KIF26A: variants seen among roughly 807,000 people sequenced by gnomAD.
KIF26A encodes the protein kinesin-like protein KIF26A.
A neutral mutation model predicts 126.0 loss-of-function variants in KIF26A; 74 were observed. That is an observed-to-expected ratio of 0.59 (90% CI 0.49 to 0.71). The LOEUF is 0.71. KIF26A is among the 30% of genes least tolerant of loss of function. The pLI is 0.00. For missense variants in KIF26A, 2,984 were observed against 2,763.3 expected, an observed-to-expected ratio of 1.08 and a Z score of -1.79; for synonymous variants, 1,445 against 1,232.7, an observed-to-expected ratio of 1.17 and a Z score of -3.61.
At chr14:104,165,924 G>A (rs751093860) in intron 4 of KIF26A, among the ~76,000 whole-genome samples, 2 of 151,222 alleles carry the variant, frequency 1.3e-5, no homozygotes, top group Admixed American at 6.6e-5. Flanking sequence ...GCATGCACTG[G>A]CCTCCCCTGG....
chr14:104,165,615 CTCTGTATGCATGTGTGTGTCTGTGTT>C (rs1474951931), intron 4 of KIF26A, among the ~76,000 whole-genome samples: 10 of 135,170 alleles, frequency 7.4e-5, no homozygotes, highest in East Asian at 4.0e-4. Flanking sequence ...GTGTCTCTGT[CTCTGTATGCATGTGTGTGTCTGTGTT>C]TCTGTATGCA....
chr14:104,160,767 C>T (rs942285931), intron 4 of KIF26A, among the ~76,000 whole-genome samples: 3 of 152,330 alleles, frequency 2.0e-5, no homozygotes, highest in East Asian at 1.9e-4. Context: ...GAGGTACTTC[C>T]GTCATCATAC....
At chr14:104,143,403 G>T (rs564376115) in intron 2 of KIF26A, among the ~76,000 whole-genome samples, 1 of 152,234 alleles carries the variant, frequency 6.6e-6, no homozygotes, top group East Asian at 1.9e-4. Flanking sequence ...CTCCTTGGAC[G>T]CTGCTCATGG....
At chr14:104,142,452 C>A (rs932371000) in intron 2 of KIF26A, among the ~76,000 whole-genome samples, 1 of 152,040 alleles carries the variant, frequency 6.6e-6, no homozygotes, top group South Asian at 2.1e-4. Flanking sequence ...CTCCTGTGGC[C>A]TCCAGGGACC....
At chr14:104,178,801 C>T (rs1566867632) in intron 13 of KIF26A, 46 bp downstream of exon 13, 1 of 1,154,446 alleles carries the variant, frequency 8.7e-7, no homozygotes, top group Non-Finnish European at 1.2e-6. Flanking sequence ...GGTGGGGAGC[C>T]TGCCGCGGAT....
At chr14:104,166,009 C>T (rs534163114) in intron 4 of KIF26A, among the ~76,000 whole-genome samples, 3 of 152,270 alleles carry the variant, frequency 2.0e-5, no homozygotes, top group South Asian at 2.1e-4. Flanking sequence ...GACTCTGCAC[C>T]TTCTGGGAGT....
At position 104,175,887 on chromosome 14, in the gene KIF26A, G is replaced by A. The variant is rs1273250892; in HGVS notation, c.3099G>A (p.Val1033=). The change falls in exon 12 of 15, where the codon GTG becomes GTA. Residue 1033 remains valine, a synonymous_variant. Transcript: ENST00000423312. ...AGCTCAACGGCGAGGACGAGCTGGTGTTCACGGTGGTGGAGGAGCTGTCCC... is the reference window on the plus strand; with the variant it reads ...AGCTCAACGGCGAGGACGAGCTGGTATTCACGGTGGTGGAGGAGCTGTCCC... ...PVELNGEDEL[V]FTVVEELSLG... is the part of the protein sequence containing the mutation. 1.3e-6 allele frequency: 2 copies of A among 1,541,860 alleles called. No homozygotes were observed. The highest frequency in any genetic ancestry group is 1.9e-5 in the Admixed American group (1 of 51,552).
chr14:104,179,803 G>A lies in KIF26A; in HGVS notation c.*13G>A. 1 of 1,514,164 alleles carries A rather than the reference G, an allele frequency of 6.6e-7. No individual in the cohort carries two copies. Among genetic ancestry groups the A allele is most frequent in the Non-Finnish European group, 8.8e-7 (1 of 1,130,730 alleles). 93.8% of individuals were successfully genotyped at this position (1,514,164 alleles called of 1,614,324 possible). ...GGTGGACGTCTGAGGCTGGGCGCCG[G>A]ACAAGAGGAGGGGGCGTGCAGCGGG... On this transcript the variant is annotated 3_prime_UTR_variant, in exon 15 of 15. Coordinates refer to ENST00000423312, the MANE Select transcript of KIF26A (RefSeq NM_015656.2).
rs1237166693 is a variant in KIF26A, at chr14:104,138,773, G to A, written c.42+9G>A. On this transcript the variant is annotated intron_variant, in intron 1 of 14. Transcript: ENST00000423312. ...GCGCTGCGCAGCCCGCGGTACGCGC[G>A]GCCCGGCCTGGAGAGGGAGGCGGGC... is the stretch of plus-strand genomic sequence containing the variant. The A allele has an allele frequency of 4.8e-6, 6 of 1,256,650 alleles. 1 individual carries two copies. The South Asian group carries it at 1.9e-4, about 40-fold the overall frequency. 77.8% of individuals were successfully genotyped at this position (1,256,650 alleles called of 1,614,324 possible). A position where few individuals can be genotyped will look rare whatever the true frequency, so the allele number is the denominator to read the frequency against.
At chr14:104,150,144 C>A (rs1174384127) in intron 2 of KIF26A, among the ~76,000 whole-genome samples, 2 of 121,960 alleles carry the variant, frequency 1.6e-5, no homozygotes, top group Admixed American at 1.6e-4. Flanking sequence ...CCGTCCCCCT[C>A]CCCCTCCTCC....
intron 4 of KIF26A, among the ~76,000 whole-genome samples, chr14:104,163,953 G>A (rs897647002): frequency 2.0e-5 from 3 of 152,092 alleles, no homozygotes; most frequent in African/African-American, 4.8e-5. Flanking sequence ...GGCATCCCCC[G>A]GCTCCACGTC....
intron 4 of KIF26A, among the ~76,000 whole-genome samples, chr14:104,164,148 G>C (rs1465636232): frequency 6.6e-6 from 1 of 152,192 alleles, no homozygotes; most frequent in African/African-American, 2.4e-5. Context: ...TGCAGCCGCC[G>C]CAGTGGGGGC....
intron 2 of KIF26A, among the ~76,000 whole-genome samples, chr14:104,144,310 C>T (rs1320307124): frequency 4.6e-5 from 7 of 151,874 alleles, no homozygotes; most frequent in Admixed American, 6.6e-5. Flanking sequence ...AGCTTTATGT[C>T]GGGGCAGGGA....
At chr14:104,155,792 G>A (rs961124281) in intron 3 of KIF26A, among the ~76,000 whole-genome samples, 2 of 152,234 alleles carry the variant, frequency 1.3e-5, no homozygotes, top group Non-Finnish European at 2.9e-5. Context: ...GTTGCTGGGC[G>A]GGGCCGGAAC....
rs778024005 is a variant in KIF26A, at chr14:104,166,859, G to A, written c.924G>A (p.Arg308=). 6.4e-7 allele frequency: 1 copy of A among 1,569,898 alleles called. No individual in the cohort carries two copies. The change falls in exon 5 of 15, where the codon AGG becomes AGA. Residue 308 remains arginine (R), a splice_region_variant and synonymous_variant. Coordinates refer to ENST00000423312, the MANE Select transcript of KIF26A (RefSeq NM_015656.2). The part of the protein sequence containing the change: ...GPSAAASFFI[R]AMQKLSLASK... ...TCCTGCCTCTGCCTCTCCTCCCCAG[G>A]GCTATGCAGAAGCTCAGCCTGGCCT...
chr14:104,153,340 C>T (rs913358777), intron 3 of KIF26A, among the ~76,000 whole-genome samples: 14 of 152,072 alleles, frequency 9.2e-5, no homozygotes, highest in Non-Finnish European at 1.8e-4. Flanking sequence ...CTTCTGGACA[C>T]CCCCCGGGTC....
intron 3 of KIF26A, among the ~76,000 whole-genome samples, chr14:104,155,640 T>G (rs1262451580): frequency 6.6e-6 from 1 of 152,152 alleles, no homozygotes; most frequent in Admixed American, 6.5e-5. Context: ...GCCCGGGCTC[T>G]GCTTCCGGCA....
intron 2 of KIF26A, among the ~76,000 whole-genome samples, chr14:104,140,238 C>G (rs2037625196): frequency 6.6e-6 from 1 of 152,086 alleles, no homozygotes; most frequent in Admixed American, 6.5e-5. Flanking sequence ...TCTCCGGGCT[C>G]TCTGGAGTCT....
At chr14:104,138,973 G>A in intron 1 of KIF26A, 70 bp from the exon 2 acceptor site, 1 of 1,309,788 alleles carries the variant, frequency 7.6e-7, no homozygotes, top group Non-Finnish European at 9.7e-7. Context: ...CGCTGGGGCA[G>A]GGCGCGCAGG....
Sources: gnomAD v4.1 joint callset for allele counts (sites outside exome capture counted in the v4.1 genomes callset) on GRCh38, gnomAD v4.1.1 for gene constraint, MANE v1.5 for transcripts, NCBI Gene and HGNC (gene_info 2026-07-23, HGNC 2026-07-21) for gene names.